The following PLEKHO1 variants were observed in gnomAD, a reference collection of about 807,000 sequenced individuals.
PLEKHO1 encodes the protein pleckstrin homology domain-containing family O member 1.
PLEKHO1 carries 22 observed loss-of-function variants against 41.4 expected under a neutral mutation model. The observed-to-expected ratio is 0.53, with a 90% CI of 0.38 to 0.76. The LOEUF (loss-of-function observed/expected upper bound fraction) is 0.76. Ranked by LOEUF, PLEKHO1 falls within the 30% of genes least tolerant of loss-of-function variation. The pLI is 0.00. For synonymous variants in PLEKHO1, 225 were observed against 210.8 expected (o/e 1.07, Z -0.58); for missense variants, 488 against 518.3 (o/e 0.94, Z 0.57).
chr1:150,159,054 C>T lies in PLEKHO1; in HGVS notation c.761C>T (p.Thr254Ile), dbSNP rs1553821293. The change falls in exon 6 of 6, where the codon ACC becomes ATC. Residue 254 changes from threonine (T) to isoleucine (I), a missense_variant. Around this residue, in one of 3 missense-constraint regions of PLEKHO1, gnomAD observed 337 missense variants for 324.6 expected, o/e 1.04. Transcript: ENST00000369124. ...WEKTDKGATY[T>I]PQAPKKLTPT... is the part of the protein sequence containing the mutation. ...AAAACAGACAAAGGGGCCACCTACA[C>T]CCCCCAGGCACCCAAGAAGTTGACG... 3.7e-6 allele frequency: 6 copies of T among 1,613,740 alleles called. No homozygotes were observed. Among genetic ancestry groups the T allele is most frequent in the Middle Eastern group, 3.3e-4 (2 of 6,084 alleles).
At chr1:150,151,257 C>A (rs1483309951) in intron 2 of PLEKHO1, among the ~76,000 whole-genome samples, 199 bp downstream of exon 2, 1 of 152,090 alleles carries the variant, frequency 6.6e-6, no homozygotes. Context: ...TTGAGTTGGC[C>A]GCTTACTCAG....
At chr1:150,152,701 A>C (rs868939926) in intron 2 of PLEKHO1, 2 of 143,550 alleles carry the variant, frequency 1.4e-5, no homozygotes, top group African/African-American at 5.7e-5. Flanking sequence ...AAAAAAAAAA[A>C]AAAAAAAAAA....
chr1:150,158,826 C>T lies in PLEKHO1; in HGVS notation c.533C>T (p.Thr178Ile). 1 of 1,601,806 alleles carries T rather than the reference C, an allele frequency of 6.2e-7. No homozygotes were observed. The highest frequency in any genetic ancestry group is 8.5e-7 in the Non-Finnish European group (1 of 1,170,428). ...TCCCCCCTTCCTCCACAGGCTTCCA[C>T]CTCTACCTCGGATGGGATGCTGACC... is the stretch of plus-strand genomic sequence containing the variant. ...TRGHLMAVASTSTSDGMLTLD... is the reference protein window; with the variant it reads ...TRGHLMAVASISTSDGMLTLD... The change falls in exon 6 of 6, where the codon ACC (threonine) becomes ATC (isoleucine). Residue 178 changes from threonine (T) to isoleucine (I), a missense_variant. Around this residue, in one of 3 missense-constraint regions of PLEKHO1, gnomAD observed 337 missense variants for 324.6 expected, o/e 1.04. Transcript: ENST00000369124.
chr1:150,159,307 C>G lies in PLEKHO1; in HGVS notation c.1014C>G (p.Asp338Glu), dbSNP rs587674656. 1 of 1,613,966 alleles carries G rather than the reference C, an allele frequency of 6.2e-7. No homozygotes were observed. The highest frequency in any genetic ancestry group is 8.5e-7 in the Non-Finnish European group (1 of 1,179,968). Residue 338 changes from aspartate (D) to glutamate (E), a missense_variant, in exon 6 of 6, where the codon GAC becomes GAG. Physicochemically the swap from Asp to Glu is conservative, Grantham distance 45. This residue lies in a region of PLEKHO1 where 337 missense variants were observed against 324.6 expected (regional missense o/e 1.04). Coordinates refer to ENST00000369124, the MANE Select transcript of PLEKHO1 (RefSeq NM_016274.6). ...GAGATGGGAAGCGAAAGGCCAAGGA[C>G]CCCCCTCGGTCTCCGCCGGATTCTG... is the stretch of plus-strand genomic sequence containing the variant. Reference protein sequence around the residue: ...GLGDGKRKAKDPPRSPPDSES... With the variant: ...GLGDGKRKAKEPPRSPPDSES...
intron 4 of PLEKHO1, 166 bp from the exon 5 acceptor site, chr1:150,157,219 G>C: frequency 2.8e-6 from 2 of 711,736 alleles, no homozygotes; most frequent in South Asian, 3.0e-5. Flanking sequence ...CTTCATGATG[G>C]GGGAGCCAGC....
intron 4 of PLEKHO1, 124 bp from the exon 5 acceptor site, chr1:150,157,261 C>T: frequency 2.5e-6 from 2 of 796,440 alleles, no homozygotes; most frequent in South Asian, 1.4e-5. Context: ...CCCTTCGTGT[C>T]CAGTAAATCC....
chr1:150,151,201 G>C, intron 2 of PLEKHO1, 143 bp downstream of exon 2: 2 of 783,498 alleles, frequency 2.6e-6, no homozygotes, highest in South Asian at 3.5e-5. Context: ...CTCATCTGCA[G>C]AGAAAGGCCA....
rs368658506 is a variant in PLEKHO1, at chr1:150,159,506, C to G, written c.1213C>G (p.Arg405Gly). ...ACAGACCACCCCGCACAGTCAGTACCGGAAGAGCCTGATGTGAGGGCAGGG... is the reference window on the plus strand; with the variant it reads ...ACAGACCACCCCGCACAGTCAGTACGGGAAGAGCCTGATGTGAGGGCAGGG... ...LRQTTPHSQY[R>G]KSLM Residue 405 changes from arginine (R) to glycine (G), a missense_variant, in exon 6 of 6, where the codon CGG (arginine) becomes GGG (glycine). By Grantham distance (125) the Arg-to-Gly change is moderately radical. This residue lies in a region of PLEKHO1 where 337 missense variants were observed against 324.6 expected (regional missense o/e 1.04). Coordinates refer to ENST00000369124, the MANE Select transcript of PLEKHO1 (RefSeq NM_016274.6). The G allele has an allele frequency of 6.2e-7, 1 of 1,603,494 alleles. No homozygotes were observed. Among genetic ancestry groups the G allele is most frequent in the Non-Finnish European group, 8.5e-7 (1 of 1,172,730 alleles).
At chr1:150,151,112 C>A (rs371203990) in intron 2 of PLEKHO1, 54 bp downstream of exon 2, 14 of 1,600,414 alleles carry the variant, frequency 8.7e-6, no homozygotes, top group Middle Eastern at 1.7e-4. Context: ...CACTTTGTCA[C>A]TCCCCAAGGG....
Position 150,157,138 on chromosome 1 carries a change from A to T in PLEKHO1, c.423+123A>T, listed in dbSNP as rs1172869190. 6 of 727,598 alleles carry T rather than the reference A, an allele frequency of 8.2e-6. No homozygotes were observed. In the African/African-American group the frequency reaches 1.0e-4, roughly 13 times the overall value. 45.1% of individuals were successfully genotyped at this position (727,598 alleles called of 1,614,324 possible). ...GCTCCTCCACCAGCTCTACTTCTTT[A>T]CCACCCTTTTAAAAGCCCTGATCTC... On this transcript the variant is annotated intron_variant, in intron 4 of 5. Transcript: ENST00000369124.
At position 150,159,324 on chromosome 1, in the gene PLEKHO1, C is replaced by T. The variant is rs782253139; in HGVS notation, c.1031C>T (p.Pro344Leu). The T allele has an allele frequency of 2.5e-6, 4 of 1,614,172 alleles. No homozygotes were observed. Among genetic ancestry groups the T allele is most frequent in the Admixed American group, 3.3e-5 (2 of 60,022 alleles). ...RKAKDPPRSPPDSESEQLLLE... is the reference protein window; with the variant it reads ...RKAKDPPRSPLDSESEQLLLE... ...GCCAAGGACCCCCCTCGGTCTCCGCCGGATTCTGAGTCAGAGCAGCTGCTG... is the reference window on the plus strand; with the variant it reads ...GCCAAGGACCCCCCTCGGTCTCCGCTGGATTCTGAGTCAGAGCAGCTGCTG... The change falls in exon 6 of 6, where the codon CCG (proline) becomes CTG (leucine). Residue 344 changes from proline to leucine, a missense_variant. Pro to Leu is a moderately conservative substitution (Grantham distance 98). Transcript: ENST00000369124.
rs1416949260 is a variant in PLEKHO1 at position 150,159,143 on chromosome 1, G to C, written c.850G>C (p.Ala284Pro). The part of the protein sequence containing the change: ...EILSQRDAAS[A>P]RTLQLRAEEP... ...CCTATCTCAGCGGGATGCTGCCTCTGCCCGCACCCTCCAGCTGCGGGCTGA... is the reference window on the plus strand; with the variant it reads ...CCTATCTCAGCGGGATGCTGCCTCTCCCCGCACCCTCCAGCTGCGGGCTGA... The change falls in exon 6 of 6, where the codon GCC becomes CCC. Residue 284 changes from alanine (A) to proline (P), a missense_variant. By Grantham distance (27) the Ala-to-Pro change is conservative. Transcript: ENST00000369124. 6 of 1,611,768 alleles carry C rather than the reference G, an allele frequency of 3.7e-6. No homozygotes were observed. The highest frequency in any genetic ancestry group is 5.1e-6 in the Non-Finnish European group (6 of 1,179,018).
chr1:150,151,471 G>C (rs1314060544), intron 2 of PLEKHO1, among the ~76,000 whole-genome samples: 1 of 151,992 alleles, frequency 6.6e-6, no homozygotes, highest in African/African-American at 2.4e-5. Context: ...CCCCTTTCCT[G>C]TCTGTGGCAG....
At position 150,159,423 on chromosome 1, in the gene PLEKHO1, G is replaced by C. The variant is rs782336275; in HGVS notation, c.1130G>C (p.Arg377Thr). ...GCAAAGAGGGTGCTGCAGGAGGTCA[G>C]GGAGCTGAGAGACCTGTACAGACAG... ...SQAKRVLQEVRELRDLYRQMD... is the reference protein window; with the variant it reads ...SQAKRVLQEVTELRDLYRQMD... The change falls in exon 6 of 6, where the codon AGG (arginine) becomes ACG (threonine). Residue 377 changes from arginine (R) to threonine (T), a missense_variant. Around this residue, in one of 3 missense-constraint regions of PLEKHO1, gnomAD observed 337 missense variants for 324.6 expected, o/e 1.04. Coordinates refer to ENST00000369124, the MANE Select transcript of PLEKHO1 (RefSeq NM_016274.6). The C allele has an allele frequency of 6.2e-7, 1 of 1,614,160 alleles. No individual in the cohort carries two copies.
chr1:150,153,146 G>T (rs925713279), intron 2 of PLEKHO1: 2 of 152,270 alleles, frequency 1.3e-5, no homozygotes, highest in African/African-American at 4.8e-5. Context: ...TTGCCCACTT[G>T]TGAAAAGCTC....
intron 3 of PLEKHO1, 58 bp downstream of exon 3, chr1:150,156,264 G>GGA: frequency 2.1e-6 from 3 of 1,430,504 alleles, no homozygotes; most frequent in African/African-American, 2.8e-5. Flanking sequence ...AGGGGGCAGG[G>GGA]GAGAACTCCT....
At chr1:150,151,306 G>A (rs1444793746) in intron 2 of PLEKHO1, among the ~76,000 whole-genome samples, 1 of 152,174 alleles carries the variant, frequency 6.6e-6, no homozygotes, top group Non-Finnish European at 1.5e-5. Flanking sequence ...ACAACGATAA[G>A]CCCCTCCCAA....
At chr1:150,158,000 C>G (rs1553820794) in intron 5 of PLEKHO1, among the ~76,000 whole-genome samples, 1 of 152,152 alleles carries the variant, frequency 6.6e-6, no homozygotes, top group Admixed American at 6.5e-5. Context: ...TTGCATGTCT[C>G]CAACTGTAAA....
In PLEKHO1 at chr1:150,159,757, C is replaced by A; in HGVS notation, c.*234C>A. On this transcript the variant is annotated 3_prime_UTR_variant, in exon 6 of 6. Coordinates refer to ENST00000369124, the MANE Select transcript of PLEKHO1 (RefSeq NM_016274.6). ...GCAGCAGTAGCAGGAAGTTTTTACC[C>A]AGCCAGAGAGAGAGAAGGCACGGTA... 2.2e-6 allele frequency: 1 copy of A among 455,498 alleles called. No homozygotes were observed. The highest frequency in any genetic ancestry group is 3.9e-6 in the Non-Finnish European group (1 of 253,232). 28.2% of individuals were successfully genotyped at this position (455,498 alleles called of 1,614,324 possible).
Sources: allele counts gnomAD v4.1 joint callset (sites outside exome capture counted in the v4.1 genomes callset), GRCh38; gene constraint gnomAD v4.1.1; regional missense constraint gnomAD v4.1.1; transcripts MANE v1.5; gene names NCBI Gene and HGNC (gene_info 2026-07-23, HGNC 2026-07-21).